The following HOMER2 variants were observed in gnomAD, a reference collection of about 807,000 sequenced individuals.
HOMER2 encodes homer scaffold protein 2, also known as homer protein homolog 2.
Under a neutral mutation model 47.0 loss-of-function variants are expected in HOMER2, and 27 were observed. The ratio of observed to expected loss-of-function variants is 0.57; its 90% CI spans 0.42 to 0.79. HOMER2 has a LOEUF of 0.79. Ranked by LOEUF, HOMER2 falls within the 30% of genes least tolerant of loss-of-function variation. The probability of loss-of-function intolerance (pLI) is 0.00; values close to 1 mark genes in which losing one functional copy is unlikely to be tolerated. For synonymous variants in HOMER2, 161 were observed against 163.8 expected, an observed-to-expected ratio of 0.98 and a Z score of 0.13; for missense variants, 443 against 435.0, an observed-to-expected ratio of 1.02 and a Z score of -0.16.
chr15:82,839,817 G>T (rs1477974672), exon 2 of HOMER2: 2 of 152,096 alleles, frequency 1.3e-5, no homozygotes, highest in East Asian at 1.9e-4. Context: ...ATTGAATTTT[G>T]TTCCCTTCAG....
chr15:82,853,236 T>G (rs2051455787), intron 6 of HOMER2, among the ~76,000 whole-genome samples: 1 of 151,850 alleles, frequency 6.6e-6, no homozygotes. Context: ...AGGGAGCGAG[T>G]TGTGCGTGAT....
At chr15:82,890,913 A>G (rs891259799) in intron 2 of HOMER2, among the ~76,000 whole-genome samples, 7 of 152,120 alleles carry the variant, frequency 4.6e-5, no homozygotes, top group Non-Finnish European at 8.8e-5. Context: ...GGTAATTACA[A>G]CTGTGGCATC....
At chr15:82,909,625 G>A (rs1244261339) in intron 1 of HOMER2, among the ~76,000 whole-genome samples, 1 of 152,088 alleles carries the variant, frequency 6.6e-6, no homozygotes, top group East Asian at 1.9e-4. Flanking sequence ...CTGAAGCTAG[G>A]GGCAAGGAGG....
chr15:82,840,440 A>C (rs1259664995), exon 2 of HOMER2: 1 of 152,180 alleles, frequency 6.6e-6, no homozygotes, highest in Non-Finnish European at 1.5e-5. Context: ...AATAGAACAG[A>C]ATCACTATTT....
intron 1 of HOMER2, among the ~76,000 whole-genome samples, chr15:82,935,129 C>G (rs1039339995): frequency 1.3e-5 from 2 of 152,196 alleles, no homozygotes; most frequent in African/African-American, 4.8e-5. Context: ...TGCTGCATCT[C>G]CTGCCTTCAA....
chr15:82,845,217 TTCACACACACACAC>T (rs2051222534), downstream of HOMER2: 1 of 89,146 alleles, frequency 1.1e-5, no homozygotes, highest in Non-Finnish European at 2.2e-5. Flanking sequence ...TTGCTGTTTC[TTCACACACACACAC>T]ACACACACAC....
intron 1 of HOMER2, among the ~76,000 whole-genome samples, chr15:82,916,647 C>T (rs962767782): frequency 2.6e-5 from 4 of 152,004 alleles, no homozygotes; most frequent in East Asian, 3.9e-4. Flanking sequence ...ACACCAGGGT[C>T]GGCAGAGGGG....
At chr15:82,935,938 G>T (rs1013598463) in intron 1 of HOMER2, among the ~76,000 whole-genome samples, 2 of 152,178 alleles carry the variant, frequency 1.3e-5, no homozygotes, top group African/African-American at 2.4e-5. Context: ...TCTGAAGAAG[G>T]ATCATGCTGC....
intron 2 of HOMER2, among the ~76,000 whole-genome samples, chr15:82,881,219 C>T (rs2052511448): frequency 6.6e-6 from 1 of 152,206 alleles, no homozygotes. Context: ...CAAGTTGTCA[C>T]AAAATGCACA....
chr15:82,919,588 G>C (rs2053676808), intron 1 of HOMER2, among the ~76,000 whole-genome samples: 1 of 152,206 alleles, frequency 6.6e-6, no homozygotes, highest in Non-Finnish European at 1.5e-5. Flanking sequence ...TTACAAAAAG[G>C]TCAACCAGAA....
At chr15:82,923,682 C>T (rs2053787184) in intron 1 of HOMER2, among the ~76,000 whole-genome samples, 1 of 152,150 alleles carries the variant, frequency 6.6e-6, no homozygotes, top group Non-Finnish European at 1.5e-5. Flanking sequence ...ATAATGTTCT[C>T]CTCCCATGCA....
downstream of HOMER2, among the ~76,000 whole-genome samples, chr15:82,847,689 A>G (rs890425807): frequency 1.3e-5 from 2 of 152,222 alleles, no homozygotes. Context: ...TTCTAGATTC[A>G]TAAGTCACCT....
intron 1 of HOMER2, among the ~76,000 whole-genome samples, chr15:82,932,158 GGCAA>G (rs2054027533): frequency 6.6e-6 from 1 of 152,170 alleles, no homozygotes; most frequent in South Asian, 2.1e-4. Context: ...CATCTAGGTG[GGCAA>G]GCAAAGGCCT....
At chr15:82,947,836 C>T (rs958256272) in intron 1 of HOMER2, among the ~76,000 whole-genome samples, 2 of 152,218 alleles carry the variant, frequency 1.3e-5, no homozygotes, top group African/African-American at 4.8e-5. Flanking sequence ...GTGCCAGGCA[C>T]TGTGCTAGGT....
intron 1 of HOMER2, among the ~76,000 whole-genome samples, chr15:82,962,602 G>C (rs879041334): frequency 6.6e-6 from 1 of 151,986 alleles, no homozygotes; most frequent in Admixed American, 6.6e-5. Context: ...GCTTGAACCC[G>C]GGAGGTGGAG....
chr15:82,866,416 G>A (rs2051969360), intron 3 of HOMER2, among the ~76,000 whole-genome samples: 1 of 152,196 alleles, frequency 6.6e-6, no homozygotes, highest in African/African-American at 2.4e-5. Flanking sequence ...AGGCAGAAGG[G>A]ACTTGCCTTG....
At chr15:82,933,561 CTCA>C (rs1282621357) in intron 1 of HOMER2, among the ~76,000 whole-genome samples, 1 of 152,142 alleles carries the variant, frequency 6.6e-6, no homozygotes, top group Non-Finnish European at 1.5e-5. Flanking sequence ...ACCCCACCTT[CTCA>C]TCATTCTCAC....
rs138317150 is a variant in HOMER2, at chr15:82,853,788, C to A, written c.651+856G>T. 2.9e-3 allele frequency among the ~76,000 whole-genome samples: 438 copies of A among 152,240 alleles called. 3 individuals carry two copies. Among genetic ancestry groups the A allele is most frequent in the African/African-American group, 0.01 (423 of 41,534 alleles). On this transcript the variant is annotated intron_variant, in intron 6 of 8. Transcript: ENST00000450735. ...TGCATTTTCAAACAAATCAAAATGCCAGGATGTCAAGGTCGGAGAGTAGAG... is the reference window on the plus strand; with the variant it reads ...TGCATTTTCAAACAAATCAAAATGCAAGGATGTCAAGGTCGGAGAGTAGAG...
chr15:82,854,812 G>A lies in HOMER2; in HGVS notation c.495-12C>T. 1 of 1,603,852 alleles carries A rather than the reference G, an allele frequency of 6.2e-7. No homozygotes were observed. On this transcript the variant is annotated splice_polypyrimidine_tract_variant and intron_variant, in intron 5 of 8. Coordinates refer to ENST00000450735, the MANE Select transcript of HOMER2 (RefSeq NM_004839.4). Reference sequence around the variant, plus strand: ...TCACGTTGGCTGCGCTGCAGGACAGGGACGGGCGGTGACGACGGGGTGGGT... The same window carrying A: ...TCACGTTGGCTGCGCTGCAGGACAGAGACGGGCGGTGACGACGGGGTGGGT...
Sources: allele counts gnomAD v4.1 joint callset (sites outside exome capture counted in the v4.1 genomes callset), GRCh38; gene constraint gnomAD v4.1.1; transcripts MANE v1.5; gene names NCBI Gene and HGNC (gene_info 2026-07-23, HGNC 2026-07-21).